VWA5B1: variants seen among roughly 807,000 people sequenced by gnomAD.
VWA5B1 encodes the protein von Willebrand factor A domain containing 5B1.
A neutral mutation model predicts 118.2 loss-of-function variants in VWA5B1; 115 were observed. That is an observed-to-expected ratio of 0.97 (90% CI 0.84 to 1.14). The LOEUF is 1.14. VWA5B1 is among the 50% of genes most tolerant of loss of function. The pLI is 0.00. For synonymous variants in VWA5B1, 682 were observed against 658.4 expected (o/e 1.04, Z -0.55); for missense variants, 1,596 against 1,603.8 (o/e 1.00, Z 0.08).
intron 9 of VWA5B1, among the ~76,000 whole-genome samples, chr1:20,328,999 A>G (rs1161139411): frequency 6.6e-6 from 1 of 152,212 alleles, no homozygotes; most frequent in Non-Finnish European, 1.5e-5. Context: ...GCAGCAGTCT[A>G]TCATGAATGT....
intron 4 of VWA5B1, among the ~76,000 whole-genome samples, chr1:20,315,858 G>A (rs551683049): frequency 7.9e-5 from 12 of 152,340 alleles, no homozygotes; most frequent in African/African-American, 2.6e-4. Context: ...ACCAAAGAGC[G>A]CCAGCCTGTG....
chr1:20,332,245 C>T (rs1052605077), intron 11 of VWA5B1, among the ~76,000 whole-genome samples: 12 of 152,000 alleles, frequency 7.9e-5, no homozygotes, highest in African/African-American at 2.9e-4. Flanking sequence ...TTTGGGAGGC[C>T]TAGGAAGGTG....
intron 1 of VWA5B1, among the ~76,000 whole-genome samples, chr1:20,302,341 G>C (rs78068934): frequency 6.6e-6 from 1 of 152,180 alleles, no homozygotes; most frequent in African/African-American, 2.4e-5. Context: ...TTCTTCAGAC[G>C]AACCTGTAGC....
chr1:20,314,232 A>G lies in VWA5B1; in HGVS notation c.293-90A>G. ...CTGAGCCTTGATTTTCCCATCAGCA[A>G]AATGGGCCACTCACACTTACCACAA... On this transcript the variant is annotated intron_variant, in intron 3 of 21. Coordinates refer to ENST00000289815, the MANE Select transcript of VWA5B1 (RefSeq NM_001039500.3). The G allele has an allele frequency of 2.2e-6, 3 of 1,365,064 alleles. No individual in the cohort carries two copies. The Admixed American group carries it at 6.6e-5, about 30-fold the overall frequency. 84.6% of individuals were successfully genotyped at this position (1,365,064 alleles called of 1,614,324 possible).
chr1:20,320,755 G>A (rs779268167), intron 7 of VWA5B1, among the ~76,000 whole-genome samples: 2 of 152,246 alleles, frequency 1.3e-5, no homozygotes, highest in African/African-American at 2.4e-5. Context: ...GATAATGGCA[G>A]CTTGAGGAGA....
intron 5 of VWA5B1, among the ~76,000 whole-genome samples, chr1:20,318,056 C>A (rs923173692): frequency 6.7e-6 from 1 of 149,130 alleles, no homozygotes; most frequent in Non-Finnish European, 1.5e-5. Context: ...CCCAGAGATT[C>A]TGGGGTGAGT....
intron 7 of VWA5B1, among the ~76,000 whole-genome samples, chr1:20,322,088 G>A (rs534118210): frequency 3.9e-5 from 6 of 152,224 alleles, no homozygotes; most frequent in Admixed American, 6.5e-5. Flanking sequence ...GGCAGTAGCA[G>A]TGGAGTCAGA....
chr1:20,325,056 C>A (rs949921386), intron 8 of VWA5B1, among the ~76,000 whole-genome samples: 2 of 152,148 alleles, frequency 1.3e-5, no homozygotes, highest in African/African-American at 4.8e-5. Context: ...CCTTAGGGAG[C>A]ATTTAATCCA....
Position 20,357,840 on chromosome 1 carries a change from G to A in VWA5B1, c.*3577G>A, listed in dbSNP as rs555399593. 2.0e-5 allele frequency among the ~76,000 whole-genome samples: 3 copies of A among 152,258 alleles called. No homozygotes were observed. Among genetic ancestry groups the A allele is most frequent in the South Asian group, 2.1e-4 (1 of 4,822 alleles). ...CCTGAGCTTTCAGGCTCTCATTTAT[G>A]GTATGGGTACAGATGACCACAATAG... On this transcript the variant is annotated 3_prime_UTR_variant, in exon 22 of 22. Coordinates refer to ENST00000289815, the MANE Select transcript of VWA5B1 (RefSeq NM_001039500.3).
rs570461680 is a variant in VWA5B1, at chr1:20,342,365, C to T, written c.2134-67C>T. 4 of 1,499,980 alleles carry T rather than the reference C, an allele frequency of 2.7e-6. No individual in the cohort carries two copies. The East Asian group carries it at 7.4e-5, about 28-fold the overall frequency. The allele number at this position is 1,499,980 out of a possible 1,614,324, so 92.9% of individuals were successfully genotyped here. ...GGTCCAGCCACCAGGAGCTCTTCCTCCTCCTTCTCCTCCTCCTCCTCCTCC... is the reference window on the plus strand; with the variant it reads ...GGTCCAGCCACCAGGAGCTCTTCCTTCTCCTTCTCCTCCTCCTCCTCCTCC... On this transcript the variant is annotated intron_variant, in intron 14 of 21. Transcript: ENST00000289815.
chr1:20,298,749 A>G (rs2088452546), intron 1 of VWA5B1, among the ~76,000 whole-genome samples: 1 of 152,108 alleles, frequency 6.6e-6, no homozygotes, highest in African/African-American at 2.4e-5. Context: ...AGGCTGGCTG[A>G]CGAGGGGGAC....
chr1:20,351,070 G>A (rs2090119751), intron 20 of VWA5B1, 144 bp downstream of exon 20: 3 of 716,728 alleles, frequency 4.2e-6, no homozygotes, highest in African/African-American at 3.6e-5. Context: ...CTCCTGCCCA[G>A]AGCAATCACT....
At chr1:20,349,163 A>AG in intron 18 of VWA5B1, 1 of 446,298 alleles carries the variant, frequency 2.2e-6, no homozygotes, top group South Asian at 1.6e-5. Flanking sequence ...ACACAGTGTG[A>AG]GGGGGTGGAA....
At chr1:20,350,984 C>A in intron 20 of VWA5B1, 58 bp downstream of exon 20, 1 of 1,511,782 alleles carries the variant, frequency 6.6e-7, no homozygotes, top group South Asian at 1.2e-5. Flanking sequence ...CTGGGGTGGT[C>A]CCTGGGGTTT....
chr1:20,292,070 CTTTT>C (rs1266460987), intron 1 of VWA5B1, among the ~76,000 whole-genome samples: 4 of 152,176 alleles, frequency 2.6e-5, no homozygotes, highest in Non-Finnish European at 5.9e-5. Context: ...CTTTTTCTTT[CTTTT>C]TCTCTCTTTC....
intron 1 of VWA5B1, among the ~76,000 whole-genome samples, chr1:20,306,265 G>T (rs538292417): frequency 6.6e-6 from 1 of 152,070 alleles, no homozygotes; most frequent in Admixed American, 6.5e-5. Flanking sequence ...CCATGAGCAC[G>T]TGCATGTCTA....
At chr1:20,352,027 C>T (rs1204598758) in intron 20 of VWA5B1, 28 bp from the exon 21 acceptor site, 2 of 1,540,672 alleles carry the variant, frequency 1.3e-6, no homozygotes, top group Non-Finnish European at 1.8e-6. Flanking sequence ...GTTGGGATGC[C>T]CAGGGCCACC....
rs568769915 is a variant in VWA5B1, at chr1:20,318,827, G to A, written c.841+106G>A. The A allele has an allele frequency of 4.3e-5, 61 of 1,402,728 alleles. 1 individual carries two copies. The South Asian group carries it at 8.8e-4, about 20-fold the overall frequency. The allele number at this position is 1,402,728 out of a possible 1,614,324, so 86.9% of individuals were successfully genotyped here. A position where few individuals can be genotyped will look rare whatever the true frequency, so the allele number is the denominator to read the frequency against. ...CCCCGCCCAGCAGCTAGCTAGCCAG[G>A]GAAAGAGTCGGGGTGGGGGGTGTGG... is the stretch of plus-strand genomic sequence containing the variant. On this transcript the variant is annotated intron_variant, in intron 6 of 21. Coordinates refer to ENST00000289815, the MANE Select transcript of VWA5B1 (RefSeq NM_001039500.3).
rs548219922 is a variant in VWA5B1 at position 20,333,364 on chromosome 1, C to A, written c.1758+413C>A. On this transcript the variant is annotated intron_variant, in intron 12 of 21. Transcript: ENST00000289815. ...TGGTGGCAGGCACCTATAATCCCAG[C>A]TACTCAGGAGGCTGAGGCACGAGAA... is the stretch of plus-strand genomic sequence containing the variant. Among the ~76,000 whole-genome samples the A allele has an allele frequency of 1.7e-4, 26 of 152,312 alleles. No homozygotes were observed. In the South Asian group the frequency reaches 3.5e-3, roughly 21 times the overall value.
Sources: gnomAD v4.1 joint callset for allele counts (sites outside exome capture counted in the v4.1 genomes callset) on GRCh38, gnomAD v4.1.1 for gene constraint, MANE v1.5 for transcripts, NCBI Gene and HGNC (gene_info 2026-07-23, HGNC 2026-07-21) for gene names.